DCTN6: variants seen among roughly 807,000 people sequenced by gnomAD.
The protein encoded by DCTN6 is dynactin 6.
Under a neutral mutation model 25.8 loss-of-function variants are expected in DCTN6, and 15 were observed. The observed-to-expected ratio is 0.58, with a 90% CI of 0.39 to 0.89. The LOEUF (loss-of-function observed/expected upper bound fraction) is 0.89. Ranked by LOEUF, DCTN6 falls within the 40% of genes least tolerant of loss-of-function variation. DCTN6 has a pLI of 0.00. For synonymous variants in DCTN6, 64 were observed against 78.3 expected (o/e 0.82, Z 0.96); for missense variants, 198 against 237.6 (o/e 0.83, Z 1.09).
At chr8:30,172,704 C>T (rs577607801) in intron 2 of DCTN6, among the ~76,000 whole-genome samples, 1 of 152,214 alleles carries the variant, frequency 6.6e-6, no homozygotes, top group South Asian at 2.1e-4. Flanking sequence ...CCACCCACCT[C>T]GGCCTCCCAA....
At chr8:30,158,974 G>C (rs754773120) in intron 1 of DCTN6, among the ~76,000 whole-genome samples, 15 of 151,892 alleles carry the variant, frequency 9.9e-5, no homozygotes, top group Admixed American at 2.0e-4. Context: ...TAGAGATGGG[G>C]TTTCACCATG....
At chr8:30,156,555 G>A in intron 1 of DCTN6, 149 bp downstream of exon 1, 2 of 943,024 alleles carry the variant, frequency 2.1e-6, no homozygotes, top group Admixed American at 2.1e-5. Context: ...GTCCACTGAG[G>A]GAGGGGGCGA....
intron 6 of DCTN6, among the ~76,000 whole-genome samples, chr8:30,182,025 T>C (rs551010105): frequency 6.6e-6 from 1 of 152,316 alleles, no homozygotes; most frequent in East Asian, 1.9e-4. Context: ...AGTATTACTC[T>C]ATAGACTAAA....
intron 2 of DCTN6, among the ~76,000 whole-genome samples, chr8:30,168,103 A>G (rs1803707634): frequency 6.6e-6 from 1 of 152,240 alleles, no homozygotes; most frequent in African/African-American, 2.4e-5. Flanking sequence ...CTAAACAAGA[A>G]AATTTTTGCT....
Position 30,177,157 on chromosome 8 carries a change from GA to G in DCTN6, c.227del (p.Asp76ValfsTer7). Reference sequence around the variant, plus strand: ...AGATAATATCACTCCTGACACTGAAGATCCAGAACCAAAACCTATGATCATT... The same window carrying G: ...AGATAATATCACTCCTGACACTGAAGTCCAGAACCAAAACCTATGATCATT... ...YPDNITPDTE[D>X]PEPKPMIIGT... is the part of the protein sequence containing the mutation. On this transcript the variant is annotated frameshift_variant, in exon 4 of 7. Transcript: ENST00000221114. LOFTEE classifies it high-confidence loss of function. 1 of 1,613,720 alleles carries G rather than the reference GA, an allele frequency of 6.2e-7. No homozygotes were observed. The highest frequency in any genetic ancestry group is 8.5e-7 in the Non-Finnish European group (1 of 1,179,828).
chr8:30,179,332 CAATGT>C (rs1285378747), intron 4 of DCTN6, 71 bp from the exon 5 acceptor site: 92 of 1,247,740 alleles, frequency 7.4e-5, no homozygotes, highest in Non-Finnish European at 9.7e-5. Flanking sequence ...TGTCCCAGTG[CAATGT>C]AAGTACATAC....
At chr8:30,169,402 A>C (rs1281757124) in intron 2 of DCTN6, among the ~76,000 whole-genome samples, 1 of 152,214 alleles carries the variant, frequency 6.6e-6, no homozygotes, top group East Asian at 1.9e-4. Flanking sequence ...TGGAAATTGG[A>C]TGCAAGGAAT....
chr8:30,179,353 T>G, intron 4 of DCTN6, 55 bp from the exon 5 acceptor site: 1 of 1,452,404 alleles, frequency 6.9e-7, no homozygotes, highest in Non-Finnish European at 9.6e-7. Flanking sequence ...CATACTGTGT[T>G]AGTGGGGACT....
At chr8:30,170,981 A>T (rs1343441516) in intron 2 of DCTN6, among the ~76,000 whole-genome samples, 1 of 152,134 alleles carries the variant, frequency 6.6e-6, no homozygotes, top group African/African-American at 2.4e-5. Context: ...TCTGTGAAAA[A>T]AATTTTTAAA....
Position 30,183,262 on chromosome 8 carries a change from C to T in DCTN6, c.*89C>T, listed in dbSNP as rs537540664. On this transcript the variant is annotated 3_prime_UTR_variant, in exon 7 of 7. Coordinates refer to ENST00000221114, the MANE Select transcript of DCTN6 (RefSeq NM_006571.4). ...GTGTTTATGTACTCTTAACAACTCA[C>T]AGAATAATACATGTTCACTTTATTT... 3.9e-4 allele frequency: 378 copies of T among 967,562 alleles called. 3 individuals carry two copies. The South Asian group carries it at 4.9e-3, about 12-fold the overall frequency. 59.9% of individuals were successfully genotyped at this position (967,562 alleles called of 1,614,324 possible). A position where few individuals can be genotyped will look rare whatever the true frequency, so the allele number is the denominator to read the frequency against.
In DCTN6 at chr8:30,164,427, T is replaced by C. The variant is rs548693978; in HGVS notation, c.88+252T>C. 3.3e-5 allele frequency among the ~76,000 whole-genome samples: 5 copies of C among 152,310 alleles called. No individual in the cohort carries two copies. The East Asian group carries it at 5.8e-4, about 18-fold the overall frequency. ...ATTCATGTATTTAAGAGAGATCTGT[T>C]GTGTACCTGCGATGTGCCAGGCACT... On this transcript the variant is annotated intron_variant, in intron 2 of 6. Transcript: ENST00000221114.
At chr8:30,178,470 T>TAAAA (rs201060800) in intron 4 of DCTN6, among the ~76,000 whole-genome samples, 4 of 79,794 alleles carry the variant, frequency 5.0e-5, no homozygotes, top group African/African-American at 1.4e-4. Flanking sequence ...TCAAAAAGAT[T>TAAAA]AAAAAAAAAA....
intron 1 of DCTN6, among the ~76,000 whole-genome samples, chr8:30,157,383 TAC>T (rs1227235232): frequency 1.3e-5 from 2 of 152,242 alleles, no homozygotes; most frequent in Non-Finnish European, 2.9e-5. Flanking sequence ...TTGTGAATAG[TAC>T]AGTGATAGTC....
At chr8:30,167,331 A>G (rs946401678) in intron 2 of DCTN6, among the ~76,000 whole-genome samples, 1 of 152,106 alleles carries the variant, frequency 6.6e-6, no homozygotes, top group African/African-American at 2.4e-5. Context: ...CATTGTTTAA[A>G]TCTACTTTCC....
In DCTN6 at chr8:30,183,193, G is replaced by A; in HGVS notation, c.*20G>A. 1 of 1,602,894 alleles carries A rather than the reference G, an allele frequency of 6.2e-7. No individual in the cohort carries two copies. Among genetic ancestry groups the A allele is most frequent in the Non-Finnish European group, 8.5e-7 (1 of 1,171,060 alleles). ...AACTAAGAACAGTGTATAACATGAA[G>A]ATAACATTTTGTCTTTGACCACTGT... On this transcript the variant is annotated 3_prime_UTR_variant, in exon 7 of 7. Transcript: ENST00000221114.
At chr8:30,181,960 G>C (rs1255821761) in intron 6 of DCTN6, among the ~76,000 whole-genome samples, 1 of 151,470 alleles carries the variant, frequency 6.6e-6, no homozygotes, top group East Asian at 1.9e-4. Flanking sequence ...GTTCTTTTTG[G>C]GTTACTCTAT....
intron 2 of DCTN6, among the ~76,000 whole-genome samples, chr8:30,171,233 C>A (rs542248117): frequency 1.4e-4 from 21 of 151,632 alleles, no homozygotes; most frequent in African/African-American, 4.6e-4. Flanking sequence ...ACAGATATGA[C>A]GATCACTTCC....
In DCTN6 at chr8:30,179,391, C is replaced by T. The variant is rs904644766; in HGVS notation, c.284-17C>T. 1.2e-6 allele frequency: 2 copies of T among 1,605,106 alleles called. No homozygotes were observed. Among genetic ancestry groups the T allele is most frequent in the African/African-American group, 1.3e-5 (1 of 74,834 alleles). ...AGATGAACATATTTGTAGTATTTAC[C>T]TAACTCTGGCTTACAGATTCCCAAG... On this transcript the variant is annotated splice_polypyrimidine_tract_variant and intron_variant, in intron 4 of 6. Coordinates refer to ENST00000221114, the MANE Select transcript of DCTN6 (RefSeq NM_006571.4).
chr8:30,179,491 G>T, intron 5 of DCTN6, 36 bp downstream of exon 5: 2 of 1,577,504 alleles, frequency 1.3e-6, no homozygotes, highest in South Asian at 2.3e-5. Context: ...TCAAAGCAGT[G>T]ACCTCTTTTC....
Sources: allele counts gnomAD v4.1 joint callset (sites outside exome capture counted in the v4.1 genomes callset), GRCh38; gene constraint gnomAD v4.1.1; transcripts MANE v1.5; gene names NCBI Gene and HGNC (gene_info 2026-07-23, HGNC 2026-07-21).